Variants in BICRAL observed in about 807,000 individuals in gnomAD.
BICRAL encodes the protein BICRA like chromatin remodeling complex associated protein, also known as BRD4-interacting chromatin-remodeling complex-associated protein-like.
A neutral mutation model predicts 91.8 loss-of-function variants in BICRAL; 8 were observed. That is an observed-to-expected ratio of 0.09 (90% CI 0.05 to 0.16). The LOEUF (loss-of-function observed/expected upper bound fraction) is 0.16. Among genes scored for constraint, BICRAL ranks in the 10% least tolerant of loss-of-function variants. BICRAL has a pLI of 1.00. For missense variants in BICRAL, 1,038 were observed against 1,310.9 expected, an observed-to-expected ratio of 0.79 and a Z score of 3.21; for synonymous variants, 445 against 491.1, an observed-to-expected ratio of 0.91 and a Z score of 1.24.
Position 42,855,799 on chromosome 6 carries a change from A to G in BICRAL, c.2047-57A>G, listed in dbSNP as rs574477392. 7 of 1,350,392 alleles carry G rather than the reference A, an allele frequency of 5.2e-6. No homozygotes were observed. In the South Asian group the frequency reaches 7.0e-5, roughly 14 times the overall value. The allele number at this position is 1,350,392 out of a possible 1,614,324, so 83.7% of individuals were successfully genotyped here. A position where few individuals can be genotyped will look rare whatever the true frequency, so the allele number is the denominator to read the frequency against. On this transcript the variant is annotated intron_variant, in intron 8 of 12. Transcript: ENST00000314073. ...ATGTGAACTATAGTGACCTTTATGT[A>G]TAACTGTATTCTTTTTTCTATAAAA...
chr6:42,780,334 T>A (rs140846460), upstream of BICRAL, among the ~76,000 whole-genome samples: 1 of 152,164 alleles, frequency 6.6e-6, no homozygotes, highest in African/African-American at 2.4e-5. Context: ...CATTTTTTTT[T>A]AATGCTTAAG....
chr6:42,867,272 T>G lies in BICRAL; in HGVS notation c.*1826T>G, dbSNP rs1327230461. The G allele has an allele frequency of 6.4e-6, 1 of 156,962 alleles. No homozygotes were observed. Among genetic ancestry groups the G allele is most frequent in the East Asian group, 1.9e-4 (1 of 5,386 alleles). The allele number at this position is 156,962 out of a possible 1,614,324, so 9.7% of individuals were successfully genotyped here. A position where few individuals can be genotyped will look rare whatever the true frequency, so the allele number is the denominator to read the frequency against. ...ACAGAAAACCCTGTGAGATGGCCAG[T>G]CTTCATAATAGCAACGTACCTTCAC... is the stretch of plus-strand genomic sequence containing the variant. On this transcript the variant is annotated 3_prime_UTR_variant, in exon 13 of 13. Coordinates refer to ENST00000314073, the MANE Select transcript of BICRAL (RefSeq NM_001393499.1).
intron 1 of BICRAL, among the ~76,000 whole-genome samples, chr6:42,763,054 T>A (rs558101168): frequency 6.6e-6 from 1 of 152,198 alleles, no homozygotes; most frequent in African/African-American, 2.4e-5. Context: ...CTGCCCCTTA[T>A]TGTCCAGTAG....
At chr6:42,819,318 C>T (rs910578815) in intron 2 of BICRAL, among the ~76,000 whole-genome samples, 2 of 152,140 alleles carry the variant, frequency 1.3e-5, no homozygotes, top group South Asian at 2.1e-4. Context: ...CAGAATCTCT[C>T]TCTGTCACCC....
chr6:42,847,611 C>T (rs1445005930), intron 6 of BICRAL, among the ~76,000 whole-genome samples: 4 of 149,494 alleles, frequency 2.7e-5, no homozygotes, highest in Non-Finnish European at 4.4e-5. Flanking sequence ...GACCTCGTCT[C>T]TACAAAAAAA....
At chr6:42,798,235 T>C (rs1427832005) in intron 1 of BICRAL, among the ~76,000 whole-genome samples, 1 of 152,032 alleles carries the variant, frequency 6.6e-6, no homozygotes, top group Non-Finnish European at 1.5e-5. Context: ...ACCTATTGGG[T>C]ACAGTGTTCA....
At chr6:42,766,969 G>A (rs1322496116) in intron 1 of BICRAL, among the ~76,000 whole-genome samples, 1 of 152,038 alleles carries the variant, frequency 6.6e-6, no homozygotes, top group African/African-American at 2.4e-5. Flanking sequence ...GAACCCGGAA[G>A]GCGGAGCTTG....
At chr6:42,766,928 T>G (rs1467821761) in intron 1 of BICRAL, among the ~76,000 whole-genome samples, 1 of 151,764 alleles carries the variant, frequency 6.6e-6, no homozygotes, top group Non-Finnish European at 1.5e-5. Context: ...TAGTCCCAGC[T>G]ACTCGCGAGG....
At position 42,828,774 on chromosome 6, in the gene BICRAL, A is replaced by T; in HGVS notation, c.441A>T (p.Ala147=). The change falls in exon 6 of 13, where the codon GCA becomes GCT. Residue 147 remains alanine (A), a synonymous_variant. Transcript: ENST00000314073. ...AQAQLHPSSS[A]SFTQASNVSN... Reference sequence around the variant, plus strand: ...CTCAGCTTCATCCTTCTTCATCAGCATCCTTTACTCAGGCTTCTAATGTTT... The same window carrying T: ...CTCAGCTTCATCCTTCTTCATCAGCTTCCTTTACTCAGGCTTCTAATGTTT... The T allele has an allele frequency of 6.2e-7, 1 of 1,614,200 alleles. No homozygotes were observed. Among genetic ancestry groups the T allele is most frequent in the Non-Finnish European group, 8.5e-7 (1 of 1,180,032 alleles).
At position 42,866,713 on chromosome 6, in the gene BICRAL, G is replaced by A; in HGVS notation, c.*1267G>A. On this transcript the variant is annotated 3_prime_UTR_variant, in exon 13 of 13. Transcript: ENST00000314073. Reference sequence around the variant, plus strand: ...ATATGCCCTGTCATGGTTTCTGTTTGGCCTGTGTTCATATTAGTGAGCATG... The same window carrying A: ...ATATGCCCTGTCATGGTTTCTGTTTAGCCTGTGTTCATATTAGTGAGCATG... 1 of 431,752 alleles carries A rather than the reference G, an allele frequency of 2.3e-6. No homozygotes were observed. Among genetic ancestry groups the A allele is most frequent in the South Asian group, 1.7e-5 (1 of 60,100 alleles). The allele number at this position is 431,752 out of a possible 1,614,324, so 26.7% of individuals were successfully genotyped here.
At chr6:42,786,787 T>C (rs9394925) in intron 1 of BICRAL, among the ~76,000 whole-genome samples, 72,257 of 151,912 alleles carry the variant, frequency 0.48, 18,868 homozygotes, top group African/African-American at 0.7. Flanking sequence ...GGGAGACATT[T>C]CAGACCTGGG....
At chr6:42,847,857 C>T (rs1227171684) in intron 6 of BICRAL, among the ~76,000 whole-genome samples, 4 of 151,934 alleles carry the variant, frequency 2.6e-5, no homozygotes, top group East Asian at 1.9e-4. Flanking sequence ...TTTCTGGGCG[C>T]GGTGGCTCAC....
intron 1 of BICRAL, among the ~76,000 whole-genome samples, chr6:42,754,831 G>A (rs1392262661): frequency 6.6e-6 from 1 of 152,212 alleles, no homozygotes; most frequent in East Asian, 1.9e-4. Context: ...CAGGAGTTGG[G>A]GCTGCAGTGA....
At position 42,857,612 on chromosome 6, in the gene BICRAL, A is replaced by AT. The variant is rs1471429375; in HGVS notation, c.2254+376_2254+377insT. Among the ~76,000 whole-genome samples, 42 of 97,002 alleles carry AT rather than the reference A, an allele frequency of 4.3e-4. 1 individual carries two copies. The highest frequency in any genetic ancestry group is 4.7e-3 in the Middle Eastern group (1 of 212). The allele number at this position is 97,002 out of a possible 152,430, so 63.6% of individuals were successfully genotyped here. ...AGACACTGTCTCTTAAAAAAAAAAAAAAATATATATATATATATATATATT... is the reference window on the plus strand; with the variant it reads ...AGACACTGTCTCTTAAAAAAAAAAAATAAATATATATATATATATATATATT... On this transcript the variant is annotated intron_variant, in intron 10 of 12. Transcript: ENST00000314073.
chr6:42,753,869 C>T (rs149550006), intron 1 of BICRAL, among the ~76,000 whole-genome samples: 93 of 150,262 alleles, frequency 6.2e-4, no homozygotes, highest in African/African-American at 2.3e-3. Flanking sequence ...GCCTCAGCTT[C>T]CCAAAGTGCT....
At chr6:42,823,512 G>C (rs1764202936) in intron 5 of BICRAL, among the ~76,000 whole-genome samples, 1 of 152,166 alleles carries the variant, frequency 6.6e-6, no homozygotes, top group African/African-American at 2.4e-5. Flanking sequence ...ATGTGGCCAG[G>C]TACAGTAGCT....
intron 10 of BICRAL, among the ~76,000 whole-genome samples, chr6:42,859,550 G>T (rs571077363): frequency 6.6e-6 from 1 of 152,218 alleles, no homozygotes; most frequent in East Asian, 1.9e-4. Context: ...ACCTAGTCCA[G>T]ACAGTTGGAC....
chr6:42,786,136 C>G (rs1224789928), intron 1 of BICRAL, among the ~76,000 whole-genome samples: 1 of 152,216 alleles, frequency 6.6e-6, no homozygotes, highest in Non-Finnish European at 1.5e-5. Flanking sequence ...ATTAATTTCT[C>G]TGGATTAAGG....
chr6:42,823,229 G>C (rs533610032), intron 5 of BICRAL, among the ~76,000 whole-genome samples: 1 of 152,058 alleles, frequency 6.6e-6, no homozygotes, highest in Non-Finnish European at 1.5e-5. Flanking sequence ...AGGCTGAAGC[G>C]ATCCTCCCAC....
Sources: gnomAD v4.1 joint callset for allele counts (sites outside exome capture counted in the v4.1 genomes callset) on GRCh38, gnomAD v4.1.1 for gene constraint, MANE v1.5 for transcripts, NCBI Gene and HGNC (gene_info 2026-07-23, HGNC 2026-07-21) for gene names.